The following AP1S3 variants were observed in gnomAD, a reference collection of about 807,000 sequenced individuals.
The protein encoded by AP1S3 is AP-1 complex subunit sigma-3.
AP1S3 carries 10 observed loss-of-function variants against 20.9 expected under a neutral mutation model. The ratio of observed to expected loss-of-function variants is 0.48; its 90% CI spans 0.29 to 0.81. AP1S3 has a LOEUF of 0.81. AP1S3 is among the 30% of genes least tolerant of loss of function. The pLI, the probability that AP1S3 is intolerant of heterozygous loss-of-function variation, is 0.08. For synonymous variants in AP1S3, 41 were observed against 61.5 expected (o/e 0.67, Z 1.56); for missense variants, 154 against 183.8 (o/e 0.84, Z 0.94).
At chr2:223,777,934 A>G in intron 1 of AP1S3, 65 bp from the exon 2 acceptor site, 1 of 1,405,200 alleles carries the variant, frequency 7.1e-7, no homozygotes, top group South Asian at 1.4e-5. Flanking sequence ...CTGCAAAGAC[A>G]CTGAAATTCA....
intron 1 of AP1S3, 108 bp downstream of exon 1, chr2:223,837,340 G>A (rs1466637802): frequency 5.7e-6 from 3 of 523,716 alleles, no homozygotes; most frequent in Non-Finnish European, 8.5e-6. Flanking sequence ...GGCGGGACTC[G>A]GCCCGCACCC....
At chr2:223,780,290 TATATATATATATATATATAG>T (rs1690892624) in intron 1 of AP1S3, among the ~76,000 whole-genome samples, 1 of 42,946 alleles carries the variant, frequency 2.3e-5, no homozygotes, top group Non-Finnish European at 4.1e-5. Context: ...TATATATATA[TATATATATATATATATATAG>T]AGAGAGAGAG....
At chr2:223,776,485 C>T (rs1574694564) in intron 2 of AP1S3, among the ~76,000 whole-genome samples, 1 of 152,202 alleles carries the variant, frequency 6.6e-6, no homozygotes, top group East Asian at 1.9e-4. Context: ...GCTTTGCAGG[C>T]ACTTGCTGGT....
chr2:223,834,852 A>G (rs766551917), intron 1 of AP1S3, among the ~76,000 whole-genome samples: 12 of 152,216 alleles, frequency 7.9e-5, no homozygotes, highest in Non-Finnish European at 1.5e-5. Flanking sequence ...TCCAAAGCAA[A>G]AAAAAAATTA....
chr2:223,819,814 G>T (rs1691946383), intron 1 of AP1S3, among the ~76,000 whole-genome samples: 1 of 151,952 alleles, frequency 6.6e-6, no homozygotes. Flanking sequence ...AGTGATTATT[G>T]CAAAGTTAGT....
intron 4 of AP1S3, 66 bp from the exon 5 acceptor site, chr2:223,758,816 T>G (rs1463999530): frequency 7.5e-7 from 1 of 1,333,518 alleles, no homozygotes; most frequent in Admixed American, 2.2e-5. Context: ...GACTGTGAAA[T>G]CTTCTGCATT....
chr2:223,776,568 G>C (rs1429928219), intron 2 of AP1S3, among the ~76,000 whole-genome samples: 1 of 152,184 alleles, frequency 6.6e-6, no homozygotes, highest in Non-Finnish European at 1.5e-5. Flanking sequence ...AACACCCTTT[G>C]CAAGAGCATA....
At chr2:223,836,684 A>G (rs1692402385) in intron 1 of AP1S3, among the ~76,000 whole-genome samples, 1 of 152,214 alleles carries the variant, frequency 6.6e-6, no homozygotes, top group Admixed American at 6.5e-5. Flanking sequence ...AGCCGAGACC[A>G]CACCACTGCA....
At chr2:223,770,440 G>C (rs1380335303) in intron 3 of AP1S3, 1 of 1,445,186 alleles carries the variant, frequency 6.9e-7, no homozygotes, top group African/African-American at 1.4e-5. Context: ...TTAATTTACT[G>C]TACTAGTTTC....
At chr2:223,786,494 A>G (rs1229637847) in intron 1 of AP1S3, among the ~76,000 whole-genome samples, 1 of 152,050 alleles carries the variant, frequency 6.6e-6, no homozygotes, top group East Asian at 1.9e-4. Context: ...TGACTCCTGC[A>G]TGTAACCCCA....
chr2:223,809,007 A>G (rs1691649782), intron 1 of AP1S3, among the ~76,000 whole-genome samples: 1 of 152,222 alleles, frequency 6.6e-6, no homozygotes, highest in Non-Finnish European at 1.5e-5. Flanking sequence ...AAAAATAAAT[A>G]AAAATGGACT....
intron 1 of AP1S3, among the ~76,000 whole-genome samples, chr2:223,835,375 C>T (rs552655543): frequency 5.9e-5 from 9 of 152,266 alleles, no homozygotes; most frequent in Non-Finnish European, 1.2e-4. Flanking sequence ...AATGTTTCCC[C>T]GCCAGGTGCG....
chr2:223,810,216 G>A (rs1026719613), intron 1 of AP1S3, among the ~76,000 whole-genome samples: 6 of 152,204 alleles, frequency 3.9e-5, no homozygotes, highest in East Asian at 3.9e-4. Flanking sequence ...AGCAAAACAC[G>A]GCTGACCCAG....
chr2:223,804,400 T>C (rs1295399594), intron 1 of AP1S3, among the ~76,000 whole-genome samples: 4 of 152,122 alleles, frequency 2.6e-5, no homozygotes, highest in South Asian at 2.1e-4. Context: ...GACAGGAAGA[T>C]AGAAAAGATG....
intron 1 of AP1S3, among the ~76,000 whole-genome samples, chr2:223,834,733 G>A (rs1270821757): frequency 6.6e-6 from 1 of 151,704 alleles, no homozygotes; most frequent in African/African-American, 2.4e-5. Flanking sequence ...CTCAGCTTGG[G>A]CGACACAGAG....
At position 223,757,822 on chromosome 2, in the gene AP1S3, A is replaced by C; in HGVS notation, c.*893T>G. 1 of 985,248 alleles carries C rather than the reference A, an allele frequency of 1.0e-6. No individual in the cohort carries two copies. The highest frequency in any genetic ancestry group is 1.2e-6 in the Non-Finnish European group (1 of 829,726). The allele number at this position is 985,248 out of a possible 1,614,324, so 61.0% of individuals were successfully genotyped here. A position where few individuals can be genotyped will look rare whatever the true frequency, so the allele number is the denominator to read the frequency against. ...TGTAATAAGTCTTCAAATGCATTAG[A>C]GATACATTAAAACATATTTGAAATG... is the stretch of plus-strand genomic sequence containing the variant. On this transcript the variant is annotated 3_prime_UTR_variant, in exon 5 of 5. Coordinates refer to ENST00000396654, the MANE Select transcript of AP1S3 (RefSeq NM_001039569.2).
At chr2:223,812,009 G>A (rs1453220386) in intron 1 of AP1S3, among the ~76,000 whole-genome samples, 3 of 152,282 alleles carry the variant, frequency 2.0e-5, no homozygotes, top group South Asian at 2.1e-4. Flanking sequence ...ACTATCTGAC[G>A]CTATGCCTTT....
At chr2:223,796,964 C>T (rs974055366) in intron 1 of AP1S3, among the ~76,000 whole-genome samples, 8 of 152,086 alleles carry the variant, frequency 5.3e-5, no homozygotes, top group African/African-American at 1.9e-4. Context: ...GCGCCTGGCC[C>T]TCTAACGACT....
At position 223,756,960 on chromosome 2, in the gene AP1S3, G is replaced by C. The variant is rs1690235959; in HGVS notation, c.*1755C>G. 1.0e-6 allele frequency: 1 copy of C among 983,868 alleles called. No individual in the cohort carries two copies. The highest frequency in any genetic ancestry group is 1.2e-6 in the Non-Finnish European group (1 of 829,326). The allele number at this position is 983,868 out of a possible 1,614,324, so 60.9% of individuals were successfully genotyped here. A position where few individuals can be genotyped will look rare whatever the true frequency, so the allele number is the denominator to read the frequency against. On this transcript the variant is annotated 3_prime_UTR_variant, in exon 5 of 5. Transcript: ENST00000396654. ...TAAAACATCAAATAGCAGGCAGCAA[G>C]ACAGAATACTACAAGCTTTTACTTT...
Sources: gnomAD v4.1 joint callset for allele counts (sites outside exome capture counted in the v4.1 genomes callset) on GRCh38, gnomAD v4.1.1 for gene constraint, MANE v1.5 for transcripts, NCBI Gene and HGNC (gene_info 2026-07-23, HGNC 2026-07-21) for gene names.